The following MAST4 variants were observed in gnomAD, a reference collection of about 807,000 sequenced individuals.
MAST4 encodes the protein microtubule-associated serine/threonine-protein kinase 4.
MAST4 carries 89 observed loss-of-function variants against 162.7 expected under a neutral mutation model. That is an observed-to-expected ratio of 0.55 (90% CI 0.46 to 0.65). The LOEUF (loss-of-function observed/expected upper bound fraction) is 0.65, where lower values mean the gene tolerates loss of function less well. MAST4 is among the 30% of genes least tolerant of loss of function. The probability of loss-of-function intolerance (pLI) is 0.00; values close to 1 mark genes in which losing one functional copy is unlikely to be tolerated. For synonymous variants in MAST4, 1,479 were observed against 1,361.1 expected, an observed-to-expected ratio of 1.09 and a Z score of -1.91; for missense variants, 3,153 against 3,374.0, an observed-to-expected ratio of 0.93 and a Z score of 1.62.
intron 3 of MAST4, among the ~76,000 whole-genome samples, chr5:66,803,726 GA>G (rs1245522455): frequency 4.6e-5 from 7 of 152,014 alleles, no homozygotes; most frequent in Admixed American, 2.6e-4. Context: ...AGATTTGGAG[GA>G]GGGGGTAATT....
chr5:66,686,239 T>C (rs1212079372), intron 1 of MAST4, among the ~76,000 whole-genome samples: 1 of 152,172 alleles, frequency 6.6e-6, no homozygotes, highest in Non-Finnish European at 1.5e-5. Flanking sequence ...ATTCACCTCA[T>C]AGGTGGCTGT....
chr5:66,648,034 ATGTGTG>A (rs745965169), intron 1 of MAST4, among the ~76,000 whole-genome samples: 2,004 of 118,992 alleles, frequency 0.017, 18 homozygotes, highest in Middle Eastern at 0.04. Flanking sequence ...GTGTTAGGTA[ATGTGTG>A]TGTGTGTGTG....
chr5:66,904,699 T>C (rs1375272588), intron 4 of MAST4, among the ~76,000 whole-genome samples: 1 of 152,178 alleles, frequency 6.6e-6, no homozygotes, highest in Non-Finnish European at 1.5e-5. Flanking sequence ...ATGGATTGGT[T>C]TATGATATTT....
chr5:66,648,335 T>A (rs1439490954), intron 1 of MAST4, among the ~76,000 whole-genome samples: 2 of 152,004 alleles, frequency 1.3e-5, no homozygotes, highest in African/African-American at 4.8e-5. Context: ...GAAAAATATT[T>A]GGTGAAAAAA....
chr5:66,908,173 A>G (rs1305458371), intron 4 of MAST4, among the ~76,000 whole-genome samples: 2 of 152,244 alleles, frequency 1.3e-5, no homozygotes, highest in Admixed American at 1.3e-4. Context: ...TTATGTATTC[A>G]TCGAATAGCC....
chr5:66,763,955 G>C (rs766199144), intron 2 of MAST4, among the ~76,000 whole-genome samples: 3 of 152,174 alleles, frequency 2.0e-5, no homozygotes, highest in African/African-American at 2.4e-5. Context: ...GGTTGAGTAG[G>C]CTTCCTTTAA....
chr5:67,016,607 A>C (rs1437757086), intron 4 of MAST4, among the ~76,000 whole-genome samples: 1 of 152,158 alleles, frequency 6.6e-6, no homozygotes, highest in Non-Finnish European at 1.5e-5. Flanking sequence ...GAAATTGTAA[A>C]TGTATTCTGC....
At chr5:66,916,879 G>A (rs1262348346) in intron 4 of MAST4, 1 of 650,520 alleles carries the variant, frequency 1.5e-6, no homozygotes, top group Non-Finnish European at 2.9e-6. Flanking sequence ...TGACATTCTT[G>A]TTGTTTTCAG....
At chr5:66,606,144 TCAGA>T (rs1407127976) in intron 1 of MAST4, among the ~76,000 whole-genome samples, 1 of 152,230 alleles carries the variant, frequency 6.6e-6, no homozygotes, top group Non-Finnish European at 1.5e-5. Context: ...AGTTTTATCA[TCAGA>T]CCTTTAAAAA....
At chr5:66,864,668 T>G in intron 3 of MAST4, among the ~76,000 whole-genome samples, 2 of 145,696 alleles carry the variant, frequency 1.4e-5, no homozygotes, top group African/African-American at 2.5e-5. Context: ...TACATGGAAG[T>G]CCTAACCCCC....
At chr5:67,078,932 AT>A (rs1762243462) in intron 5 of MAST4, among the ~76,000 whole-genome samples, 2 of 81,968 alleles carry the variant, frequency 2.4e-5, no homozygotes, top group African/African-American at 1.1e-4. Context: ...ATATATATAT[AT>A]ATATATATAT....
At chr5:66,725,380 T>G (rs1238823236) in intron 1 of MAST4, among the ~76,000 whole-genome samples, 1 of 133,482 alleles carries the variant, frequency 7.5e-6, no homozygotes, top group Admixed American at 7.7e-5. Context: ...CTATGACTTG[T>G]TGTCAAATAA....
intron 1 of MAST4, among the ~76,000 whole-genome samples, chr5:66,624,414 A>G (rs1197301198): frequency 1.3e-5 from 2 of 151,982 alleles, no homozygotes; most frequent in African/African-American, 4.8e-5. Context: ...CGGCCTCCCA[A>G]AGTGCTGGGA....
chr5:66,938,434 C>T (rs763375634), intron 4 of MAST4, among the ~76,000 whole-genome samples: 7 of 152,078 alleles, frequency 4.6e-5, no homozygotes, highest in Non-Finnish European at 8.8e-5. Flanking sequence ...AAAAAATTGC[C>T]GGAATTTAAT....
chr5:66,699,968 C>A (rs1393578937), intron 1 of MAST4, among the ~76,000 whole-genome samples: 1 of 151,894 alleles, frequency 6.6e-6, no homozygotes. Flanking sequence ...GTATACAACA[C>A]ATTTTTCTTG....
intron 3 of MAST4, among the ~76,000 whole-genome samples, chr5:66,819,628 T>A (rs1037181687): frequency 6.6e-6 from 1 of 152,172 alleles, no homozygotes; most frequent in Non-Finnish European, 1.5e-5. Context: ...ATATTTTAAA[T>A]TCCAGGGTGA....
At chr5:66,883,547 G>A (rs1761842099) in intron 3 of MAST4, among the ~76,000 whole-genome samples, 1 of 149,918 alleles carries the variant, frequency 6.7e-6, no homozygotes, top group South Asian at 2.1e-4. Context: ...TCCTGCCTCA[G>A]CCTCCCGAGT....
At chr5:66,737,531 C>T (rs1199637181) in intron 1 of MAST4, among the ~76,000 whole-genome samples, 1 of 152,166 alleles carries the variant, frequency 6.6e-6, no homozygotes, top group Non-Finnish European at 1.5e-5. Context: ...ATTATAAGAT[C>T]ACCGCGCCTG....
At chr5:67,080,101 T>C (rs557809233) in intron 5 of MAST4, among the ~76,000 whole-genome samples, 57 of 152,346 alleles carry the variant, frequency 3.7e-4, no homozygotes, top group Non-Finnish European at 6.8e-4. Context: ...TTGGCTTCAT[T>C]AAACACAGCC....
Sources: allele counts gnomAD v4.1 joint callset (sites outside exome capture counted in the v4.1 genomes callset), GRCh38; gene constraint gnomAD v4.1.1; transcripts MANE v1.5; gene names NCBI Gene and HGNC (gene_info 2026-07-23, HGNC 2026-07-21).